KCNA6: variants seen among roughly 807,000 people sequenced by gnomAD.
KCNA6 encodes the protein potassium voltage-gated channel subfamily A member 6.
Under a neutral mutation model 29.5 loss-of-function variants are expected in KCNA6, and 17 were observed. That is an observed-to-expected ratio of 0.58 (90% CI 0.39 to 0.86). KCNA6 has a LOEUF of 0.86. KCNA6 is among the 40% of genes least tolerant of loss of function. KCNA6 has a pLI of 0.00. For synonymous variants in KCNA6, 296 were observed against 304.7 expected (o/e 0.97, Z 0.30); for missense variants, 450 against 703.4 (o/e 0.64, Z 4.07).
chr12:4,821,418 A>G, the KCNA6 span, among the ~76,000 whole-genome samples: 10 of 143,420 alleles, frequency 7.0e-5, no homozygotes, highest in African/African-American at 1.3e-4. Flanking sequence ...ACTCACTTGG[A>G]TGTGTGTGTG....
At position 4,810,584 on chromosome 12, in the gene KCNA6, G is replaced by T; in HGVS notation, c.543G>T (p.Val181=). The T allele has an allele frequency of 1.9e-6, 3 of 1,614,184 alleles. No individual in the cohort carries two copies. The highest frequency in any genetic ancestry group is 2.5e-6 in the Non-Finnish European group (3 of 1,180,030). Reference sequence around the variant, plus strand: ...CCAGGGGCATCGCCATCGTCTCCGTGTTGGTCATTCTCATCTCCATAGTCA... The same window carrying T: ...CCAGGGGCATCGCCATCGTCTCCGTTTTGGTCATTCTCATCTCCATAGTCA... Residue 181 remains valine (V), a synonymous_variant, in exon 1 of 1, where the codon GTG becomes GTT. Transcript: ENST00000280684. This position sits in a 1 kb window ranked among gnomAD's most constrained non-coding sequence, Gnocchi z 7.5.
the KCNA6 span, among the ~76,000 whole-genome samples, chr12:4,835,099 C>A: frequency 1.4e-5 from 1 of 71,064 alleles, no homozygotes; most frequent in Non-Finnish European, 2.9e-5. Context: ...TAAATGCAAA[C>A]TGAGTACTCC....
the KCNA6 span, among the ~76,000 whole-genome samples, chr12:4,845,470 G>T: frequency 6.6e-6 from 1 of 152,118 alleles, no homozygotes; most frequent in Admixed American, 6.6e-5. Flanking sequence ...TCTCTTTCTG[G>T]ATGCTCCGCA....
At chr12:4,827,839 C>T in the KCNA6 span, among the ~76,000 whole-genome samples, 1 of 152,236 alleles carries the variant, frequency 6.6e-6, no homozygotes, top group Non-Finnish European at 1.5e-5. Context: ...AGCTTTCCTT[C>T]CTACTCTTAG....
In KCNA6 at chr12:4,811,579, T is replaced by C. The variant is rs745418573; in HGVS notation, c.1538T>C (p.Leu513Pro). The C allele has an allele frequency of 6.2e-7, 1 of 1,614,204 alleles. No homozygotes were observed. The highest frequency in any genetic ancestry group is 8.5e-7 in the Non-Finnish European group (1 of 1,180,016). ...AACCGGGAACGGAGACCCAGCTACCTTCCTACACCACATCGGGCCTATGCA... is the reference window on the plus strand; with the variant it reads ...AACCGGGAACGGAGACCCAGCTACCCTCCTACACCACATCGGGCCTATGCA... Residue 513 changes from leucine (L) to proline (P), a missense_variant, in exon 1 of 1, where the codon CTT (leucine) becomes CCT (proline). This residue lies in a region of KCNA6 where 56 missense variants were observed against 65.2 expected (regional missense o/e 0.86). Coordinates refer to ENST00000280684, the Ensembl canonical transcript of KCNA6. This position sits in a 1 kb window ranked among gnomAD's most constrained non-coding sequence, Gnocchi z 7.1.
At chr12:4,848,419 T>C in the KCNA6 span, among the ~76,000 whole-genome samples, 2 of 151,816 alleles carry the variant, frequency 1.3e-5, no homozygotes, top group African/African-American at 4.8e-5. Context: ...AATATTTTCA[T>C]CCACTATTCT....
chr12:4,840,769 T>G, the KCNA6 span, among the ~76,000 whole-genome samples: 2 of 152,180 alleles, frequency 1.3e-5, no homozygotes, highest in Non-Finnish European at 2.9e-5. Flanking sequence ...CTCTGGGGAG[T>G]GGAGCCCATT....
the KCNA6 span, among the ~76,000 whole-genome samples, chr12:4,823,660 T>G: frequency 0.058 from 8,801 of 152,130 alleles, 276 homozygotes; most frequent in African/African-American, 0.088. Flanking sequence ...TCGGCTACCC[T>G]GGAGGTAGAG....
At chr12:4,833,826 C>T in the KCNA6 span, among the ~76,000 whole-genome samples, 17 of 152,206 alleles carry the variant, frequency 1.1e-4, no homozygotes, top group East Asian at 3.9e-4. Context: ...AATAGACCAA[C>T]GGCTAGGATT....
At chr12:4,836,837 G>A in the KCNA6 span, among the ~76,000 whole-genome samples, 6 of 152,186 alleles carry the variant, frequency 3.9e-5, no homozygotes, top group South Asian at 2.1e-4. Context: ...AGACATGCCC[G>A]GGTGGCTCGC....
the KCNA6 span, among the ~76,000 whole-genome samples, chr12:4,848,657 G>A: frequency 6.6e-6 from 1 of 151,954 alleles, no homozygotes; most frequent in Admixed American, 6.5e-5. Context: ...GCTTCGGCCT[G>A]CCGAGTAGCT....
chr12:4,833,718 G>A, the KCNA6 span, among the ~76,000 whole-genome samples: 2 of 152,130 alleles, frequency 1.3e-5, no homozygotes, highest in Non-Finnish European at 2.9e-5. Flanking sequence ...AGTGTGTGAA[G>A]GCAGGAAGGG....
the KCNA6 span, among the ~76,000 whole-genome samples, chr12:4,844,755 T>A: frequency 1.3e-5 from 2 of 152,178 alleles, no homozygotes; most frequent in Non-Finnish European, 2.9e-5. This position sits in a 1 kb window ranked among gnomAD's most constrained non-coding sequence, Gnocchi z 4.0. Context: ...TTTCTTTGCC[T>A]CCCCCATAAT....
the KCNA6 span, among the ~76,000 whole-genome samples, chr12:4,821,388 CCT>C: frequency 1.3e-5 from 2 of 151,532 alleles, no homozygotes; most frequent in Non-Finnish European, 2.9e-5. Context: ...CCAGGCACAC[CCT>C]CCCCAACCAG....
chr12:4,839,257 G>C, the KCNA6 span: 1 of 152,132 alleles, frequency 6.6e-6, no homozygotes, highest in Admixed American at 6.5e-5. Flanking sequence ...GCCACCCCGG[G>C]AACAGCAAGA....
At chr12:4,833,690 A>G in the KCNA6 span, among the ~76,000 whole-genome samples, 2 of 152,164 alleles carry the variant, frequency 1.3e-5, no homozygotes, top group Non-Finnish European at 2.9e-5. Context: ...AGTTCCAAGC[A>G]TCATGTCCTC....
the KCNA6 span, among the ~76,000 whole-genome samples, chr12:4,845,461 C>G: frequency 6.6e-6 from 1 of 152,280 alleles, no homozygotes; most frequent in East Asian, 1.9e-4. Flanking sequence ...TTAAGCTTTT[C>G]TCTTTCTGGA....
At chr12:4,850,819 G>A in the KCNA6 span, 2 of 454,604 alleles carry the variant, frequency 4.4e-6, no homozygotes, top group Non-Finnish European at 8.8e-6. This position sits in a 1 kb window ranked among gnomAD's most constrained non-coding sequence, Gnocchi z 5.4. Context: ...TTCTTCAGAA[G>A]ACGAGAACCC....
At chr12:4,822,000 A>AT in the KCNA6 span, among the ~76,000 whole-genome samples, 2 of 151,918 alleles carry the variant, frequency 1.3e-5, no homozygotes, top group Non-Finnish European at 2.9e-5. Flanking sequence ...GGCCTGACTA[A>AT]TTTTTTGCAT....
Sources: gnomAD v4.1 joint callset for allele counts (sites outside exome capture counted in the v4.1 genomes callset) on GRCh38, gnomAD v4.1.1 for gene constraint, gnomAD v4.1.1 regional missense constraint, Gnocchi (gnomAD v3.1) non-coding constraint, MANE v1.5 for transcripts, NCBI Gene and HGNC (gene_info 2026-07-23, HGNC 2026-07-21) for gene names.